Variants in PIP5K1C observed in about 807,000 individuals in gnomAD.
PIP5K1C encodes phosphatidylinositol-4-phosphate 5-kinase type 1 gamma.
A neutral mutation model predicts 80.1 loss-of-function variants in PIP5K1C; 45 were observed. The observed-to-expected ratio is 0.56, with a 90% CI of 0.44 to 0.72. The LOEUF (loss-of-function observed/expected upper bound fraction) is 0.72. Among genes scored for constraint, PIP5K1C ranks in the 30% least tolerant of loss-of-function variants. PIP5K1C has a pLI of 0.00. For synonymous variants in PIP5K1C, 498 were observed against 420.1 expected (o/e 1.19, Z -2.27); for missense variants, 753 against 954.6 (o/e 0.79, Z 2.78).
chr19:3,650,415 T>C (rs1568323719), intron 8 of PIP5K1C, among the ~76,000 whole-genome samples: 1 of 152,224 alleles, frequency 6.6e-6, no homozygotes, highest in Non-Finnish European at 1.5e-5. Flanking sequence ...GGGCACAATC[T>C]CAGCACTGCT....
chr19:3,633,519 G>T lies in PIP5K1C; in HGVS notation c.1922C>A (p.Pro641His). ...EDAPATDIYFPTDERSWVYSP... is the reference protein window; with the variant it reads ...EDAPATDIYFHTDERSWVYSP... The stretch of plus-strand genomic sequence containing the variant: ...GTACACCCAGCTCCTCTCATCGGTG[G>T]GCTGGCAGGTGGGCGCGCGTGCAGG... The change falls in exon 17 of 18, where the codon CCC (proline) becomes CAC (histidine). Residue 641 changes from proline (P) to histidine (H), a missense_variant and splice_region_variant. Physicochemically the swap from Pro to His is moderately conservative, Grantham distance 77. This residue lies in a region of PIP5K1C where 315 missense variants were observed against 294.5 expected (regional missense o/e 1.07). Transcript: ENST00000335312. 1 of 1,493,966 alleles carries T rather than the reference G, an allele frequency of 6.7e-7. No homozygotes were observed. The highest frequency in any genetic ancestry group is 1.4e-5 in the African/African-American group (1 of 71,442). The allele number at this position is 1,493,966 out of a possible 1,614,324, so 92.5% of individuals were successfully genotyped here.
chr19:3,642,772 C>T lies in PIP5K1C; in HGVS notation c.1682+135G>A, dbSNP rs532856105. 155 of 771,002 alleles carry T rather than the reference C, an allele frequency of 2.0e-4. No individual in the cohort carries two copies. The Admixed American group carries it at 2.6e-3, about 13-fold the overall frequency. 47.8% of individuals were successfully genotyped at this position (771,002 alleles called of 1,614,324 possible). A position where few individuals can be genotyped will look rare whatever the true frequency, so the allele number is the denominator to read the frequency against. On this transcript the variant is annotated intron_variant, in intron 14 of 17. Transcript: ENST00000335312. ...GGAAGATTGTGTGCGGTGCTAGGGC[C>T]GAGTGCTACAATCTTAAATCTGTCC...
intron 5 of PIP5K1C, among the ~76,000 whole-genome samples, chr19:3,657,244 C>T (rs1786936046): frequency 6.6e-6 from 1 of 152,224 alleles, no homozygotes; most frequent in African/African-American, 2.4e-5. Context: ...ACGCCCTCTC[C>T]TGGACATTAG....
At position 3,633,533 on chromosome 19, in the gene PIP5K1C, C is replaced by T. The variant is rs1483897427; in HGVS notation, c.1921-13G>A. 1.3e-5 allele frequency: 19 copies of T among 1,476,296 alleles called. No homozygotes were observed. The highest frequency in any genetic ancestry group is 2.2e-5 in the Admixed American group (1 of 44,806). The allele number at this position is 1,476,296 out of a possible 1,614,324, so 91.4% of individuals were successfully genotyped here. A position where few individuals can be genotyped will look rare whatever the true frequency, so the allele number is the denominator to read the frequency against. On this transcript the variant is annotated splice_polypyrimidine_tract_variant and intron_variant, in intron 16 of 17. Transcript: ENST00000335312. ...TCTCATCGGTGGGCTGGCAGGTGGG[C>T]GCGCGTGCAGGAGGGCGCGGAAGAG...
At chr19:3,638,605 G>A (rs1358325192) in intron 16 of PIP5K1C, among the ~76,000 whole-genome samples, 1 of 152,012 alleles carries the variant, frequency 6.6e-6, no homozygotes, top group Non-Finnish European at 1.5e-5. Flanking sequence ...CCGGGGAAGG[G>A]GACAGGGGTG....
chr19:3,631,960 TG>T lies in PIP5K1C; in HGVS notation c.*1206del, dbSNP rs1008948579. On this transcript the variant is annotated 3_prime_UTR_variant, in exon 18 of 18. Coordinates refer to ENST00000335312, the MANE Select transcript of PIP5K1C (RefSeq NM_012398.3). ...ACCAATAAGCCCCTCTCAGGGGTCC[TG>T]GGGAAGGGCAGGGTGGGTGACTCTG... The T allele has an allele frequency of 1.3e-5, 2 of 152,200 alleles. No homozygotes were observed. Among genetic ancestry groups the T allele is most frequent in the Admixed American group, 6.5e-5 (1 of 15,276 alleles). 9.4% of individuals were successfully genotyped at this position (152,200 alleles called of 1,614,324 possible).
At chr19:3,633,725 TGGCGG>T (rs1203261476) in intron 16 of PIP5K1C, among the ~76,000 whole-genome samples, 1 of 151,670 alleles carries the variant, frequency 6.6e-6, no homozygotes, top group Non-Finnish European at 1.5e-5. Flanking sequence ...CAGCTCAGCT[TGGCGG>T]GGCGGGGCAC....
intron 1 of PIP5K1C, among the ~76,000 whole-genome samples, chr19:3,667,855 G>A (rs1343575209): frequency 1.3e-5 from 2 of 152,234 alleles, no homozygotes; most frequent in Non-Finnish European, 2.9e-5. Context: ...TCAGGTGCCA[G>A]CGTGGGGAGT....
chr19:3,653,672 G>C lies in PIP5K1C; in HGVS notation c.622-83C>G, dbSNP rs2034528239. ...GGGCAAAGCAGGCCTCTGCCTCAGG[G>C]GGCTCATGGATGCCCCTGGCCAGCC... On this transcript the variant is annotated intron_variant, in intron 6 of 17. Transcript: ENST00000335312. 4.5e-6 allele frequency: 6 copies of C among 1,325,432 alleles called. No individual in the cohort carries two copies. In the Admixed American group the frequency reaches 1.2e-4, roughly 27 times the overall value. 82.1% of individuals were successfully genotyped at this position (1,325,432 alleles called of 1,614,324 possible).
At chr19:3,678,621 T>G (rs1244579362) in intron 1 of PIP5K1C, among the ~76,000 whole-genome samples, 26 of 63,188 alleles carry the variant, frequency 4.1e-4, no homozygotes, top group Admixed American at 9.4e-4. Context: ...GAAGGAGGGA[T>G]GGAGAGATGG....
Position 3,688,787 on chromosome 19 carries a change from C to T in PIP5K1C, c.94+11510G>A, listed in dbSNP as rs575319934. 3.9e-5 allele frequency among the ~76,000 whole-genome samples: 6 copies of T among 151,932 alleles called. No individual in the cohort carries two copies. Among genetic ancestry groups the T allele is most frequent in the African/African-American group, 1.4e-4 (6 of 41,434 alleles). ...GAACGAGAGCGAGAGACACACCGAG[C>T]TGGTGGGCCGGGGGAGGGGGACCCA... On this transcript the variant is annotated intron_variant, in intron 1 of 17. Transcript: ENST00000335312. This position sits in a 1 kb window ranked among gnomAD's most constrained non-coding sequence, Gnocchi z 5.3.
At position 3,637,202 on chromosome 19, in the gene PIP5K1C, C is replaced by T. The variant is rs542165790; in HGVS notation, c.1920+1682G>A. 43 of 1,432,904 alleles carry T rather than the reference C, an allele frequency of 3.0e-5. No individual in the cohort carries two copies. Among genetic ancestry groups the T allele is most frequent in the Non-Finnish European group, 3.5e-5 (38 of 1,098,412 alleles). The allele number at this position is 1,432,904 out of a possible 1,614,324, so 88.8% of individuals were successfully genotyped here. On this transcript the variant is annotated intron_variant, in intron 16 of 17. Transcript: ENST00000335312. This position sits in a 1 kb window ranked among gnomAD's most constrained non-coding sequence, Gnocchi z 7.0. ...AGCGTCCACCCAAGACACCCTGACA[C>T]GAGAGGGCTGGGTCCAGGGGCAGAG...
Position 3,637,323 on chromosome 19 carries a change from C to T in PIP5K1C, c.1920+1561G>A, listed in dbSNP as rs1417040091. The stretch of plus-strand genomic sequence containing the variant: ...CTGCCCTATGGAGCGCCCGGTTCGA[C>T]GTGGGACCGAATGACATTCCCAGTG... On this transcript the variant is annotated intron_variant, in intron 16 of 17. Transcript: ENST00000335312. The surrounding 1 kb of genome is among the most constrained non-coding windows in gnomAD (Gnocchi z 7.0). 14 of 1,529,268 alleles carry T rather than the reference C, an allele frequency of 9.2e-6. No individual in the cohort carries two copies. The highest frequency in any genetic ancestry group is 1.2e-5 in the South Asian group (1 of 83,150). The allele number at this position is 1,529,268 out of a possible 1,614,324, so 94.7% of individuals were successfully genotyped here.
chr19:3,700,190 G>A (rs2036252777), intron 1 of PIP5K1C, 107 bp downstream of exon 1: 2 of 565,686 alleles, frequency 3.5e-6, no homozygotes, highest in Non-Finnish European at 4.7e-6. Flanking sequence ...GGAACCGGCG[G>A]CGCCCCCGCA....
Position 3,648,457 on chromosome 19 carries a change from A to G in PIP5K1C, c.1211+168T>C, listed in dbSNP as rs2034319317. On this transcript the variant is annotated intron_variant, in intron 9 of 17. Coordinates refer to ENST00000335312, the MANE Select transcript of PIP5K1C (RefSeq NM_012398.3). This position sits in a 1 kb window ranked among gnomAD's most constrained non-coding sequence, Gnocchi z 4.3. ...TTTCCACGGGCAAGCGCCTCTGTGC[A>G]TGGGTGTCCTGGGGGCGCCCATCCA... Among the ~76,000 whole-genome samples the G allele has an allele frequency of 6.6e-6, 1 of 152,082 alleles. No individual in the cohort carries two copies. Among genetic ancestry groups the G allele is most frequent in the African/African-American group, 2.4e-5 (1 of 41,408 alleles).
chr19:3,661,997 G>A lies in PIP5K1C; in HGVS notation c.224C>T (p.Thr75Ile), dbSNP rs371628208. 1.3e-6 allele frequency: 2 copies of A among 1,593,566 alleles called. No homozygotes were observed. Among genetic ancestry groups the A allele is most frequent in the Non-Finnish European group, 8.5e-7 (1 of 1,172,200 alleles). The change falls in exon 4 of 18, where the codon ACC becomes ATC. Residue 75 changes from threonine (T) to isoleucine (I), a missense_variant. Coordinates refer to ENST00000335312, the MANE Select transcript of PIP5K1C (RefSeq NM_012398.3). Reference protein sequence around the residue: ...ASGETTYKKTTSSTLKGAIQL... With the variant: ...ASGETTYKKTISSTLKGAIQL... ...GATGGCACCCTTCAGGGTGGAGGAG[G>A]TGGTCTGCAGGGAGACCAGAGTGTC...
chr19:3,691,371 G>A (rs766056141), intron 1 of PIP5K1C, among the ~76,000 whole-genome samples: 3 of 152,186 alleles, frequency 2.0e-5, no homozygotes, highest in African/African-American at 4.8e-5. Flanking sequence ...CAGGGTAAGC[G>A]GATTCCTAAA....
chr19:3,644,694 C>T (rs1016763508), intron 11 of PIP5K1C, among the ~76,000 whole-genome samples: 3 of 152,318 alleles, frequency 2.0e-5, no homozygotes, highest in South Asian at 2.1e-4. Flanking sequence ...AGGGCCTGAG[C>T]GCAGATCCAG....
intron 2 of PIP5K1C, among the ~76,000 whole-genome samples, chr19:3,666,708 C>A (rs1428843212): frequency 6.6e-6 from 1 of 152,104 alleles, no homozygotes. Flanking sequence ...TCCACACAAG[C>A]AAAAATAGAT....
Sources: allele counts gnomAD v4.1 joint callset (sites outside exome capture counted in the v4.1 genomes callset), GRCh38; gene constraint gnomAD v4.1.1; regional missense constraint gnomAD v4.1.1; non-coding constraint Gnocchi (gnomAD v3.1); transcripts MANE v1.5; gene names NCBI Gene and HGNC (gene_info 2026-07-23, HGNC 2026-07-21).